TENM2: variants seen among roughly 807,000 people sequenced by gnomAD.
TENM2 encodes teneurin transmembrane protein 2.
In TENM2, 52 loss-of-function variants were observed where a neutral mutation model predicts 245.2. That is an observed-to-expected ratio of 0.21 (90% CI 0.17 to 0.27). The LOEUF is 0.27. Among genes scored for constraint, TENM2 ranks in the 10% least tolerant of loss-of-function variants. The probability of loss-of-function intolerance (pLI) is 1.00; values close to 1 mark genes in which losing one functional copy is unlikely to be tolerated. For synonymous variants in TENM2, 1,363 were observed against 1,438.9 expected (o/e 0.95, Z 1.19); for missense variants, 3,046 against 3,666.8 (o/e 0.83, Z 4.37).
chr5:167,964,116 C>T lies in TENM2; in HGVS notation c.947+11294C>T, dbSNP rs376949569. ...ACAGAAGGTTTTGAAACAAAGTCTA[C>T]TTGCAATTCTTGTTCAATATCACCT... On this transcript the variant is annotated intron_variant, in intron 4 of 28. Transcript: ENST00000518659. Among the ~76,000 whole-genome samples the T allele has an allele frequency of 2.0e-5, 3 of 152,206 alleles. No homozygotes were observed. The East Asian group carries it at 5.8e-4, about 29-fold the overall frequency.
At chr5:167,115,356 G>A in the TENM2 span, among the ~76,000 whole-genome samples, 1 of 152,096 alleles carries the variant, frequency 6.6e-6, no homozygotes, top group Non-Finnish European at 1.5e-5. Flanking sequence ...TAAAAGATTG[G>A]CTCCTCACTG....
intron 25 of TENM2, among the ~76,000 whole-genome samples, chr5:168,230,732 A>G (rs376201333): frequency 6.6e-6 from 1 of 152,300 alleles, no homozygotes; most frequent in East Asian, 1.9e-4. Flanking sequence ...TTAGGTGCCA[A>G]CACTACAGTC....
chr5:167,833,890 A>C (rs1304616074), intron 2 of TENM2, among the ~76,000 whole-genome samples: 2 of 151,944 alleles, frequency 1.3e-5, no homozygotes, highest in Admixed American at 6.6e-5. Flanking sequence ...TTTCCTACAG[A>C]CTCCTGTAAA....
rs144492385 is a variant in TENM2 at position 167,407,858 on chromosome 5, G to T, written c.502+32385G>T. Among the ~76,000 whole-genome samples, 3 of 152,096 alleles carry T rather than the reference G, an allele frequency of 2.0e-5. No homozygotes were observed. The South Asian group carries it at 6.2e-4, about 32-fold the overall frequency. On this transcript the variant is annotated intron_variant, in intron 2 of 28. Transcript: ENST00000518659. The stretch of plus-strand genomic sequence containing the variant: ...AAAAACCACAAACTGGCAGAAATTG[G>T]CCTACAGGCCATTTATTTCCAACTT...
At chr5:167,889,258 G>A (rs145670788) in intron 3 of TENM2, among the ~76,000 whole-genome samples, 6 of 151,958 alleles carry the variant, frequency 3.9e-5, no homozygotes, top group Admixed American at 6.6e-5. Flanking sequence ...ATGCCTTTGC[G>A]TAAGTTATAA....
intron 2 of TENM2, among the ~76,000 whole-genome samples, chr5:167,638,054 G>A (rs1779318382): frequency 6.7e-6 from 1 of 149,338 alleles, no homozygotes; most frequent in Non-Finnish European, 1.5e-5. Flanking sequence ...AGATTATAAA[G>A]TTCTATGGTT....
chr5:167,154,212 T>C, the TENM2 span, among the ~76,000 whole-genome samples: 9 of 152,382 alleles, frequency 5.9e-5, no homozygotes, highest in African/African-American at 2.2e-4. Context: ...CTTTCTTTTG[T>C]ATGAAAATTG....
At chr5:167,874,536 C>A (rs1773256208) in intron 2 of TENM2, among the ~76,000 whole-genome samples, 1 of 152,194 alleles carries the variant, frequency 6.6e-6, no homozygotes, top group Non-Finnish European at 1.5e-5. Context: ...ACCTTGTCCT[C>A]AAGTTTGCTT....
At chr5:167,077,581 T>G in the TENM2 span, among the ~76,000 whole-genome samples, 1 of 152,246 alleles carries the variant, frequency 6.6e-6, no homozygotes, top group South Asian at 2.1e-4. Flanking sequence ...TATGATCGGA[T>G]AAGCCATGAT....
intron 27 of TENM2, among the ~76,000 whole-genome samples, chr5:168,258,994 C>T (rs1767941103): frequency 6.6e-6 from 1 of 151,688 alleles, no homozygotes; most frequent in Non-Finnish European, 1.5e-5. Context: ...ACCAGCCTGG[C>T]TAACATGGCA....
chr5:167,568,959 A>G (rs922138490), intron 2 of TENM2, among the ~76,000 whole-genome samples: 7 of 151,662 alleles, frequency 4.6e-5, no homozygotes, highest in Admixed American at 1.3e-4. Flanking sequence ...AAGGATGACT[A>G]TCAGCTAATA....
intron 9 of TENM2, among the ~76,000 whole-genome samples, chr5:168,111,592 T>G (rs1581340377): frequency 6.6e-6 from 1 of 152,248 alleles, no homozygotes; most frequent in Admixed American, 6.5e-5. Flanking sequence ...TCTGCCCATT[T>G]AATAGGTCAG....
chr5:167,395,888 A>T (rs1762022985), intron 2 of TENM2, among the ~76,000 whole-genome samples: 3 of 152,310 alleles, frequency 2.0e-5, no homozygotes, highest in Admixed American at 2.0e-4. Context: ...AGAAATAGAA[A>T]TCAAAACTAC....
At chr5:167,373,893 C>T (rs558840084) in intron 1 of TENM2, among the ~76,000 whole-genome samples, 156 of 152,314 alleles carry the variant, frequency 1.0e-3, no homozygotes, top group African/African-American at 3.7e-3. Flanking sequence ...CCTAATAACA[C>T]ACGTTTATAG....
At chr5:167,384,388 C>T (rs1761287762) in intron 2 of TENM2, among the ~76,000 whole-genome samples, 1 of 151,990 alleles carries the variant, frequency 6.6e-6, no homozygotes, top group African/African-American at 2.4e-5. Context: ...GAAGAAAAGC[C>T]AGAGTGTATG....
At chr5:167,943,422 T>C (rs1280415777) in intron 3 of TENM2, among the ~76,000 whole-genome samples, 2 of 152,098 alleles carry the variant, frequency 1.3e-5, no homozygotes, top group Admixed American at 1.3e-4. Flanking sequence ...AAGAATGAAA[T>C]ACACCCCCAG....
intron 1 of TENM2, among the ~76,000 whole-genome samples, chr5:167,319,345 T>C (rs991955586): frequency 2.6e-5 from 4 of 152,206 alleles, no homozygotes; most frequent in African/African-American, 9.6e-5. Context: ...AATACTACTT[T>C]CTTTTGGTTA....
intron 9 of TENM2, among the ~76,000 whole-genome samples, chr5:168,112,441 A>T (rs1192691777): frequency 6.6e-6 from 1 of 151,998 alleles, no homozygotes; most frequent in Non-Finnish European, 1.5e-5. Context: ...TGTTCTCATC[A>T]TTTAGCTCCT....
intron 2 of TENM2, among the ~76,000 whole-genome samples, chr5:167,776,624 A>AAAAAAAAAAAAC (rs1561769493): frequency 6.5e-5 from 4 of 61,258 alleles, no homozygotes; most frequent in African/African-American, 2.9e-4. Flanking sequence ...AAAAAAAAAA[A>AAAAAAAAAAAAC]AACCATATAT....
Sources: gnomAD v4.1 joint callset for allele counts (sites outside exome capture counted in the v4.1 genomes callset) on GRCh38, gnomAD v4.1.1 for gene constraint, MANE v1.5 for transcripts, NCBI Gene and HGNC (gene_info 2026-07-23, HGNC 2026-07-21) for gene names.